CA10: variants seen among roughly 807,000 people sequenced by gnomAD.
The protein encoded by CA10 is carbonic anhydrase 10 (inactive), also known as carbonic anhydrase-related protein 10.
CA10 carries 14 observed loss-of-function variants against 44.2 expected under a neutral mutation model. That is an observed-to-expected ratio of 0.32 (90% CI 0.21 to 0.50). CA10 has a LOEUF of 0.50. CA10 is among the 20% of genes least tolerant of loss of function. The pLI is 0.99. For missense variants in CA10, 350 were observed against 409.7 expected, an observed-to-expected ratio of 0.85 and a Z score of 1.26; for synonymous variants, 159 against 141.6, an observed-to-expected ratio of 1.12 and a Z score of -0.87.
chr17:51,899,961 C>T (rs924027496), intron 3 of CA10, among the ~76,000 whole-genome samples: 2 of 146,184 alleles, frequency 1.4e-5, no homozygotes, highest in African/African-American at 5.3e-5. Context: ...TTGAAGATAG[C>T]ATATAGTTGG....
chr17:51,907,326 T>A (rs1358207194), intron 3 of CA10, among the ~76,000 whole-genome samples: 2 of 152,044 alleles, frequency 1.3e-5, no homozygotes, highest in Non-Finnish European at 2.9e-5. Flanking sequence ...TGTTGGCCAT[T>A]TGAGGAAGAG....
chr17:51,648,779 G>T (rs748082684), intron 6 of CA10, among the ~76,000 whole-genome samples: 2 of 152,156 alleles, frequency 1.3e-5, no homozygotes, highest in African/African-American at 2.4e-5. Context: ...CAGAGAAATG[G>T]TCTAGCCGAG....
chr17:51,908,752 T>C (rs907274953), intron 3 of CA10, among the ~76,000 whole-genome samples: 1 of 152,148 alleles, frequency 6.6e-6, no homozygotes, highest in African/African-American at 2.4e-5. Context: ...ATGCTATATC[T>C]TCCAAATGAC....
chr17:51,687,398 G>A (rs998960149), intron 4 of CA10, among the ~76,000 whole-genome samples: 12 of 152,122 alleles, frequency 7.9e-5, no homozygotes, highest in African/African-American at 2.7e-4. Flanking sequence ...TAAATTCCAC[G>A]AAACAGGGAC....
chr17:52,122,699 A>T (rs1024207424), intron 1 of CA10, among the ~76,000 whole-genome samples: 2 of 152,188 alleles, frequency 1.3e-5, no homozygotes, highest in African/African-American at 4.8e-5. Context: ...AATTAGTACA[A>T]GTGGAATGGA....
At chr17:52,062,120 T>G in intron 2 of CA10, among the ~76,000 whole-genome samples, 1 of 133,974 alleles carries the variant, frequency 7.5e-6, no homozygotes, top group Non-Finnish European at 1.5e-5. Context: ...CAGGCTGGAG[T>G]GCAGTGGCAC....
intron 3 of CA10, among the ~76,000 whole-genome samples, chr17:51,856,948 G>A (rs1979073874): frequency 1.3e-5 from 2 of 152,274 alleles, no homozygotes; most frequent in Non-Finnish European, 1.5e-5. Flanking sequence ...GTGAACGGTG[G>A]CTGAATTATG....
At chr17:52,053,381 C>T (rs1241577318) in intron 2 of CA10, among the ~76,000 whole-genome samples, 4 of 151,594 alleles carry the variant, frequency 2.6e-5, no homozygotes, top group African/African-American at 9.7e-5. Context: ...GAGAGAAGAA[C>T]CAAGATTAAC....
At chr17:51,905,774 C>A (rs918360625) in intron 3 of CA10, among the ~76,000 whole-genome samples, 9 of 152,070 alleles carry the variant, frequency 5.9e-5, no homozygotes, top group African/African-American at 2.2e-4. Context: ...ACATTCAGGG[C>A]TAGCTATTTT....
At chr17:52,038,528 A>G (rs1004376300) in intron 2 of CA10, among the ~76,000 whole-genome samples, 2 of 152,198 alleles carry the variant, frequency 1.3e-5, no homozygotes, top group East Asian at 3.8e-4. Context: ...CAAGATGTAA[A>G]TAGAGACTTG....
At chr17:51,836,697 C>T (rs1370906439) in intron 3 of CA10, among the ~76,000 whole-genome samples, 1 of 152,202 alleles carries the variant, frequency 6.6e-6, no homozygotes, top group Admixed American at 6.5e-5. Flanking sequence ...TGTTAAGGAT[C>T]TCTCAGTGTA....
intron 3 of CA10, among the ~76,000 whole-genome samples, chr17:51,780,851 T>A (rs1318228334): frequency 6.6e-6 from 1 of 152,146 alleles, no homozygotes; most frequent in Non-Finnish European, 1.5e-5. Flanking sequence ...ACATTTTCCG[T>A]GAAGAGCAAG....
chr17:52,080,393 A>G (rs1216305743), intron 1 of CA10, among the ~76,000 whole-genome samples: 2 of 151,946 alleles, frequency 1.3e-5, no homozygotes, highest in African/African-American at 2.4e-5. Flanking sequence ...CGGAGCTTGC[A>G]GTGAGCCGAG....
chr17:51,903,080 A>T (rs1197047346), intron 3 of CA10, among the ~76,000 whole-genome samples: 2 of 152,166 alleles, frequency 1.3e-5, no homozygotes, highest in Non-Finnish European at 1.5e-5. Flanking sequence ...ATCCTCAAGG[A>T]TTATCATCTA....
At chr17:51,801,678 C>T (rs1437318938) in intron 3 of CA10, among the ~76,000 whole-genome samples, 5 of 152,218 alleles carry the variant, frequency 3.3e-5, no homozygotes, top group Admixed American at 1.3e-4. Context: ...AGTTCTCTTC[C>T]GCTGGCATTT....
chr17:51,830,021 A>T (rs1301355414), intron 3 of CA10, among the ~76,000 whole-genome samples: 2 of 151,958 alleles, frequency 1.3e-5, no homozygotes, highest in African/African-American at 4.8e-5. Flanking sequence ...ATATGGTGAA[A>T]CCCCATCTCT....
chr17:51,767,584 A>T (rs1478273553), intron 3 of CA10, among the ~76,000 whole-genome samples: 1 of 152,084 alleles, frequency 6.6e-6, no homozygotes, highest in Non-Finnish European at 1.5e-5. Flanking sequence ...TTTTCTAGGG[A>T]TCTAGGGGTG....
chr17:51,968,920 A>T lies in CA10; in HGVS notation c.137-37788T>A, dbSNP rs555205583. Among the ~76,000 whole-genome samples, 9 of 152,110 alleles carry T rather than the reference A, an allele frequency of 5.9e-5. No homozygotes were observed. The South Asian group carries it at 1.4e-3, about 24-fold the overall frequency. On this transcript the variant is annotated intron_variant, in intron 2 of 8. Transcript: ENST00000451037. ...AATCTCATTTTTAACCGCATTAAATATTAGTTTTCTTTTGTTTTTAACTTG... is the reference window on the plus strand; with the variant it reads ...AATCTCATTTTTAACCGCATTAAATTTTAGTTTTCTTTTGTTTTTAACTTG...
chr17:51,744,502 G>T lies in CA10; in HGVS notation c.465+3131C>A, dbSNP rs58617634. ...CACACCTATAATCCTAGCACTTTGT[G>T]GGGGGGCCAAGACAAAAGAATTGAT... On this transcript the variant is annotated intron_variant, in intron 4 of 8. Transcript: ENST00000451037. 4.0e-3 allele frequency among the ~76,000 whole-genome samples: 585 copies of T among 146,494 alleles called. 6 individuals carry two copies. The highest frequency in any genetic ancestry group is 6.9e-3 in the Non-Finnish European group (471 of 67,946).
Sources: allele counts gnomAD v4.1 joint callset (sites outside exome capture counted in the v4.1 genomes callset), GRCh38; gene constraint gnomAD v4.1.1; transcripts MANE v1.5; gene names NCBI Gene and HGNC (gene_info 2026-07-23, HGNC 2026-07-21).